PRRC2C: variants seen among roughly 807,000 people sequenced by gnomAD.
PRRC2C encodes proline rich coiled-coil 2C, also known as protein PRRC2C.
A neutral mutation model predicts 317.2 loss-of-function variants in PRRC2C; 72 were observed. That is an observed-to-expected ratio of 0.23 (90% confidence interval 0.19 to 0.28). The LOEUF (loss-of-function observed/expected upper bound fraction) is 0.28, where lower values mean the gene tolerates loss of function less well. Among genes scored for constraint, PRRC2C ranks in the 10% least tolerant of loss-of-function variants. PRRC2C has a pLI of 1.00. For synonymous variants in PRRC2C, 1,296 were observed against 1,205.9 expected (o/e 1.07, Z -1.55); for missense variants, 3,074 against 3,459.7 (o/e 0.89, Z 2.80).
rs766587111 is a variant in PRRC2C at position 171,575,085 on chromosome 1, C to G, written c.6912C>G (p.Pro2304=). The G allele has an allele frequency of 3.7e-6, 6 of 1,613,846 alleles. No individual in the cohort carries two copies. Among genetic ancestry groups the G allele is most frequent in the Non-Finnish European group, 5.1e-6 (6 of 1,179,850 alleles). ...ATTCGTTCTCAAGTGCATCCATGCC[C>G]CAGATTCCTGTTGCTTCAGTCACTC... is the stretch of plus-strand genomic sequence containing the variant. ...NYNSFSSASM[P]QIPVASVTPT... is the part of the protein sequence containing the mutation. Residue 2304 remains proline (P), a synonymous_variant, in exon 25 of 35, where the codon CCC becomes CCG. Coordinates refer to ENST00000647382, the MANE Select transcript of PRRC2C (RefSeq NM_001387844.1).
chr1:171,503,798 G>A (rs368665483), intron 1 of PRRC2C, among the ~76,000 whole-genome samples: 67 of 152,306 alleles, frequency 4.4e-4, no homozygotes, highest in Middle Eastern at 3.4e-3. Flanking sequence ...AGTTCCACAT[G>A]GCTGGGGAGG....
At chr1:171,497,680 A>G (rs1490690361) in intron 1 of PRRC2C, among the ~76,000 whole-genome samples, 2 of 151,956 alleles carry the variant, frequency 1.3e-5, no homozygotes, top group African/African-American at 4.8e-5. Context: ...TGTTACCCAG[A>G]TTGGTCTTGA....
Position 171,589,531 on chromosome 1 carries a change from G to A in PRRC2C, c.8362G>A (p.Gly2788Ser). 5.4e-6 allele frequency: 7 copies of A among 1,289,630 alleles called. No homozygotes were observed. The highest frequency in any genetic ancestry group is 1.2e-5 in the South Asian group (1 of 81,020). The allele number at this position is 1,289,630 out of a possible 1,614,324, so 79.9% of individuals were successfully genotyped here. A position where few individuals can be genotyped will look rare whatever the true frequency, so the allele number is the denominator to read the frequency against. ...TGCTCGTTTGCCACATGTAGCCAGG[G>A]GTCCTTGTGGATCACTATCTGGAGT... The part of the protein sequence containing the change: ...SHARLPHVAR[G>S]PCGSLSGVRG... Residue 2788 changes from glycine to serine, a missense_variant, in exon 34 of 35, where the codon GGT becomes AGT. Physicochemically the swap from Gly to Ser is moderately conservative, Grantham distance 56. Coordinates refer to ENST00000647382, the MANE Select transcript of PRRC2C (RefSeq NM_001387844.1).
chr1:171,512,729 T>C (rs994342637), intron 2 of PRRC2C: 1 of 315,424 alleles, frequency 3.2e-6, no homozygotes, highest in Admixed American at 4.6e-5. Flanking sequence ...TCTGAAAAAA[T>C]ATCAGTATTA....
chr1:171,548,871 A>G (rs1033483256), intron 17 of PRRC2C, among the ~76,000 whole-genome samples: 1 of 152,166 alleles, frequency 6.6e-6, no homozygotes, highest in Non-Finnish European at 1.5e-5. Flanking sequence ...TTCTTTATTT[A>G]TTGAGACAGG....
intron 1 of PRRC2C, among the ~76,000 whole-genome samples, chr1:171,505,248 G>A (rs1018623949): frequency 5.9e-5 from 9 of 151,904 alleles, no homozygotes; most frequent in African/African-American, 9.7e-5. Flanking sequence ...GGCTAGTTTC[G>A]AACTCCCAAC....
Position 171,541,367 on chromosome 1 carries a change from G to A in PRRC2C, c.3901G>A (p.Val1301Ile), listed in dbSNP as rs1192582743. ...GGAACGGCCTGAAAACAAAAAACCT[G>A]TAAAGCCTCATTCTTCTTTCAAGCC... ...REERPENKKP[V>I]KPHSSFKPDN... Residue 1301 changes from valine to isoleucine, a missense_variant, in exon 16 of 35, where the codon GTA (valine) becomes ATA (isoleucine). Physicochemically the swap from Val to Ile is conservative, Grantham distance 29. Transcript: ENST00000647382. This position sits in a 1 kb window ranked among gnomAD's most constrained non-coding sequence, Gnocchi z 4.1. 6.2e-7 allele frequency: 1 copy of A among 1,612,474 alleles called. No individual in the cohort carries two copies. The highest frequency in any genetic ancestry group is 1.1e-5 in the South Asian group (1 of 90,806).
chr1:171,520,172 G>A (rs1673284386), intron 6 of PRRC2C, among the ~76,000 whole-genome samples: 1 of 152,054 alleles, frequency 6.6e-6, no homozygotes, highest in Admixed American at 6.6e-5. Context: ...CATGTTGGCT[G>A]GGCTAGTCTC....
At chr1:171,524,684 TCA>T in intron 9 of PRRC2C, 135 bp from the exon 10 acceptor site, 1 of 842,642 alleles carries the variant, frequency 1.2e-6, no homozygotes, top group Non-Finnish European at 1.8e-6. Flanking sequence ...CACTAATGGG[TCA>T]CACACCCATC....
chr1:171,561,773 A>C (rs1450270215), intron 20 of PRRC2C, among the ~76,000 whole-genome samples: 1 of 152,224 alleles, frequency 6.6e-6, no homozygotes, highest in Non-Finnish European at 1.5e-5. Flanking sequence ...ATAAGTATTT[A>C]GAAACTGTTT....
intron 17 of PRRC2C, among the ~76,000 whole-genome samples, chr1:171,546,410 CA>C (rs1325674378): frequency 1.3e-5 from 2 of 152,150 alleles, no homozygotes; most frequent in Non-Finnish European, 2.9e-5. Context: ...GGGTTAGTTG[CA>C]GTTATTCTAG....
At chr1:171,577,400 C>T (rs772036787) in intron 25 of PRRC2C, 34 bp from the exon 26 acceptor site, 2 of 1,508,824 alleles carry the variant, frequency 1.3e-6, no homozygotes, top group Non-Finnish European at 1.8e-6. Context: ...TAAATATGCT[C>T]TATTTTCCCC....
At chr1:171,516,207 A>G (rs921916161) in intron 5 of PRRC2C, among the ~76,000 whole-genome samples, 3 of 152,224 alleles carry the variant, frequency 2.0e-5, no homozygotes, top group African/African-American at 7.2e-5. Flanking sequence ...TACTGTATTA[A>G]TATTCGGTGA....
chr1:171,591,038 G>A, intron 34 of PRRC2C: 2 of 298,842 alleles, frequency 6.7e-6, no homozygotes, highest in Non-Finnish European at 4.9e-6. Context: ...ATTTTTGGGG[G>A]CACATAGTCA....
intron 1 of PRRC2C, among the ~76,000 whole-genome samples, chr1:171,503,988 A>G (rs182784790): frequency 2.1e-4 from 32 of 152,324 alleles, no homozygotes; most frequent in African/African-American, 7.7e-4. Flanking sequence ...GTTACCTTCC[A>G]CCGAGTCCCT....
chr1:171,490,454 G>A (rs1257062228), intron 1 of PRRC2C, among the ~76,000 whole-genome samples: 1 of 152,158 alleles, frequency 6.6e-6, no homozygotes, highest in Non-Finnish European at 1.5e-5. Flanking sequence ...GATAAAATAG[G>A]AAATGGCAGC....
At position 171,517,695 on chromosome 1, in the gene PRRC2C, G is replaced by A. The variant is rs548920516; in HGVS notation, c.631G>A (p.Glu211Lys). 2.4e-5 allele frequency: 39 copies of A among 1,613,660 alleles called. No individual in the cohort carries two copies. The South Asian group carries it at 4.1e-4, about 17-fold the overall frequency. ...GGATGAAAGCACAGCTGGAACATCAGAGCAAAATGATATCCTCAAAGTGGT... is the reference window on the plus strand; with the variant it reads ...GGATGAAAGCACAGCTGGAACATCAAAGCAAAATGATATCCTCAAAGTGGT... ...GQDESTAGTS[E>K]QNDILKVVEK... Residue 211 changes from glutamate to lysine, a missense_variant, in exon 6 of 35, where the codon GAG becomes AAG. Physicochemically the swap from Glu to Lys is moderately conservative, Grantham distance 56 (BLOSUM62 1). Transcript: ENST00000647382.
chr1:171,575,108 C>G lies in PRRC2C; in HGVS notation c.6935C>G (p.Thr2312Ser). The change falls in exon 25 of 35, where the codon ACT (threonine) becomes AGT (serine). Residue 2312 changes from threonine (T) to serine (S), a missense_variant. Physicochemically the swap from Thr to Ser is moderately conservative, Grantham distance 58. Coordinates refer to ENST00000647382, the MANE Select transcript of PRRC2C (RefSeq NM_001387844.1). ...SMPQIPVASV[T>S]PTASLSGAGT... is the part of the protein sequence containing the mutation. ...CCCCAGATTCCTGTTGCTTCAGTCA[C>G]TCCTACAGCATCACTATCAGGTAGA... is the stretch of plus-strand genomic sequence containing the variant. 1 of 1,613,586 alleles carries G rather than the reference C, an allele frequency of 6.2e-7. No individual in the cohort carries two copies. Among genetic ancestry groups the G allele is most frequent in the Non-Finnish European group, 8.5e-7 (1 of 1,179,616 alleles).
intron 16 of PRRC2C, 132 bp from the exon 17 acceptor site, chr1:171,545,347 T>C (rs1363430911): frequency 2.8e-6 from 2 of 709,474 alleles, no homozygotes; most frequent in Non-Finnish European, 4.5e-6. Context: ...TAATGCTTGT[T>C]TGGTTACAGT....
Sources: gnomAD v4.1 joint callset for allele counts (sites outside exome capture counted in the v4.1 genomes callset) on GRCh38, gnomAD v4.1.1 for gene constraint, Gnocchi (gnomAD v3.1) non-coding constraint, MANE v1.5 for transcripts, NCBI Gene and HGNC (gene_info 2026-07-23, HGNC 2026-07-21) for gene names.